MLLT6: variants seen among roughly 807,000 people sequenced by gnomAD.
MLLT6 encodes the protein protein AF-17.
Under a neutral mutation model 103.0 loss-of-function variants are expected in MLLT6, and 22 were observed. That is an observed-to-expected ratio of 0.21 (90% CI 0.15 to 0.31). The LOEUF is 0.31. Ranked by LOEUF, MLLT6 falls within the 10% of genes least tolerant of loss-of-function variation. The probability of loss-of-function intolerance (pLI) is 1.00; values close to 1 mark genes in which losing one functional copy is unlikely to be tolerated. For missense variants in MLLT6, 1,199 were observed against 1,441.7 expected (o/e 0.83, Z 2.73); for synonymous variants, 606 against 623.5 (o/e 0.97, Z 0.42).
At position 38,720,927 on chromosome 17, in the gene MLLT6, T is replaced by C. The variant is rs551020204; in HGVS notation, c.2442+180T>C. 2.7e-4 allele frequency: 173 copies of C among 630,976 alleles called. No homozygotes were observed. The African/African-American group carries it at 3.0e-3, about 11-fold the overall frequency. 39.1% of individuals were successfully genotyped at this position (630,976 alleles called of 1,614,324 possible). A position where few individuals can be genotyped will look rare whatever the true frequency, so the allele number is the denominator to read the frequency against. On this transcript the variant is annotated intron_variant, in intron 16 of 19. Transcript: ENST00000621332. Reference sequence around the variant, plus strand: ...TGAGGTGCCCACTTAGTGCCAGCCATTGGCTAAGCAATCAGTGAGCAAAAC... The same window carrying C: ...TGAGGTGCCCACTTAGTGCCAGCCACTGGCTAAGCAATCAGTGAGCAAAAC...
chr17:38,724,740 A>G lies in MLLT6; in HGVS notation c.3004A>G (p.Thr1002Ala), dbSNP rs767337871. The G allele has an allele frequency of 3.1e-6, 5 of 1,610,506 alleles. No homozygotes were observed. In the African/African-American group the frequency reaches 6.7e-5, roughly 22 times the overall value. ...GGCCAGCCTGCTGGCAGGAAGCTCC[A>G]CCCCGCTGCTGTCTGCGGGTACCCC... ...PMASLLAGSSTPLLSAGTPGL... is the reference protein window; with the variant it reads ...PMASLLAGSSAPLLSAGTPGL... Residue 1002 changes from threonine (T) to alanine (A), a missense_variant, in exon 19 of 20, where the codon ACC (threonine) becomes GCC (alanine). This residue lies in a region of MLLT6 where 1,034 missense variants were observed against 1,091.5 expected (regional missense o/e 0.95). Coordinates refer to ENST00000621332, the MANE Select transcript of MLLT6 (RefSeq NM_005937.4). This position sits in a 1 kb window ranked among gnomAD's most constrained non-coding sequence, Gnocchi z 5.4.
chr17:38,722,637 T>TGGGGGGG, intron 17 of MLLT6, 41 bp from the exon 18 acceptor site: 1 of 498,466 alleles, frequency 2.0e-6, no homozygotes, highest in African/African-American at 2.3e-5. Context: ...TCCCCCATGG[T>TGGGGGGG]CTGTGTGTTG....
chr17:38,721,743 G>C (rs973755261), intron 16 of MLLT6, 135 bp from the exon 17 acceptor site: 21 of 565,162 alleles, frequency 3.7e-5, no homozygotes, highest in Non-Finnish European at 6.3e-5. Flanking sequence ...CTCATCCCCG[G>C]ACCTTGCTTC....
In MLLT6 at chr17:38,721,872, C is replaced by T; in HGVS notation, c.2443-6C>T. On this transcript the variant is annotated splice_polypyrimidine_tract_variant and splice_region_variant and intron_variant, in intron 16 of 19. Coordinates refer to ENST00000621332, the MANE Select transcript of MLLT6 (RefSeq NM_005937.4). Reference sequence around the variant, plus strand: ...TCTGACCCCTCCCTTCCCCCTCCCTCCCCAGGACCCACACTCAGGCTGCCC... The same window carrying T: ...TCTGACCCCTCCCTTCCCCCTCCCTTCCCAGGACCCACACTCAGGCTGCCC... The T allele has an allele frequency of 1.3e-6, 2 of 1,564,282 alleles. No individual in the cohort carries two copies. The highest frequency in any genetic ancestry group is 2.4e-5 in the East Asian group (1 of 41,310).
intron 11 of MLLT6, 74 bp from the exon 12 acceptor site, chr17:38,717,771 C>G: frequency 7.0e-7 from 1 of 1,427,164 alleles, no homozygotes; most frequent in Admixed American, 1.7e-5. Flanking sequence ...CACCCGGCCC[C>G]CTGCACCCCG....
chr17:38,707,863 C>G lies in MLLT6; in HGVS notation c.345C>G (p.Arg115=). 6.2e-7 allele frequency: 1 copy of G among 1,610,264 alleles called. No homozygotes were observed. Among genetic ancestry groups the G allele is most frequent in the Non-Finnish European group, 8.5e-7 (1 of 1,177,336 alleles). ...PIVLQYVPHD[R]FNKTCYICEE... Reference sequence around the variant, plus strand: ...TGCTGCAGTACGTGCCTCATGATCGCTTCAACAAGGTCAGCGGCCCCCCGC... The same window carrying G: ...TGCTGCAGTACGTGCCTCATGATCGGTTCAACAAGGTCAGCGGCCCCCCGC... Residue 115 remains arginine (R), a synonymous_variant, in exon 4 of 20, where the codon CGC becomes CGG. Transcript: ENST00000621332.
chr17:38,715,253 G>A (rs759095303), intron 8 of MLLT6: 5 of 196,906 alleles, frequency 2.5e-5, no homozygotes, highest in East Asian at 1.2e-4. Context: ...CATAGGTCCC[G>A]CCTTCTTAGA....
chr17:38,708,216 T>C (rs1905012370), intron 4 of MLLT6: 2 of 294,514 alleles, frequency 6.8e-6, no homozygotes, highest in African/African-American at 2.2e-5. Flanking sequence ...TCAAGACAGG[T>C]GTGCTGCCCG....
In MLLT6 at chr17:38,728,415, C is replaced by G. The variant is rs539253592; in HGVS notation, c.*2817C>G. The G allele has an allele frequency of 1.3e-5, 3 of 233,218 alleles. No individual in the cohort carries two copies. The highest frequency in any genetic ancestry group is 6.6e-5 in the African/African-American group (3 of 45,310). 14.4% of individuals were successfully genotyped at this position (233,218 alleles called of 1,614,324 possible). ...GAGGGGAAGGATGTGGTTTGCAGAG[C>G]GGAAGCAGAGTTTGGAAACGCATGA... On this transcript the variant is annotated 3_prime_UTR_variant, in exon 20 of 20. Transcript: ENST00000621332.
rs951151166 is a variant in MLLT6 at position 38,717,733 on chromosome 17, G to A, written c.1834-112G>A. The A allele has an allele frequency of 1.4e-5, 20 of 1,384,664 alleles. No homozygotes were observed. The African/African-American group carries it at 2.0e-4, about 14-fold the overall frequency. The allele number at this position is 1,384,664 out of a possible 1,614,324, so 85.8% of individuals were successfully genotyped here. A position where few individuals can be genotyped will look rare whatever the true frequency, so the allele number is the denominator to read the frequency against. On this transcript the variant is annotated intron_variant, in intron 11 of 19. Transcript: ENST00000621332. ...CTGAGTTGCCATCAGACCACCCTCC[G>A]GGCTCTGGACCCCTCTGCTCCCCAG...
intron 8 of MLLT6, chr17:38,714,184 A>T (rs1441330869): frequency 6.6e-6 from 1 of 152,236 alleles, no homozygotes; most frequent in Non-Finnish European, 1.5e-5. Flanking sequence ...ATGATGGGGC[A>T]CAGGGAGGTT....
intron 8 of MLLT6, 187 bp downstream of exon 8, chr17:38,712,976 G>C (rs1401634391): frequency 1.3e-6 from 1 of 770,958 alleles, no homozygotes; most frequent in East Asian, 2.4e-5. Context: ...ACCAATCACC[G>C]ACCAACCATG....
chr17:38,717,560 T>TC lies in MLLT6; in HGVS notation c.1784dup (p.Phe596ValfsTer26). On this transcript the variant is annotated frameshift_variant, in exon 11 of 20. Coordinates refer to ENST00000621332, the MANE Select transcript of MLLT6 (RefSeq NM_005937.4). LOFTEE classifies it high-confidence loss of function. ...CTCGGCCCTGCCCCGCCTCAGCCGCTCCCCGTTCACCAGCACCCTCCCCTC... is the reference window on the plus strand; with the variant it reads ...CTCGGCCCTGCCCCGCCTCAGCCGCTCCCCCGTTCACCAGCACCCTCCCCTC... 6.2e-7 allele frequency: 1 copy of TC among 1,613,570 alleles called. No homozygotes were observed. Among genetic ancestry groups the TC allele is most frequent in the Non-Finnish European group, 8.5e-7 (1 of 1,179,884 alleles).
chr17:38,721,060 A>AC (rs1227467448), intron 16 of MLLT6: 6 of 469,592 alleles, frequency 1.3e-5, no homozygotes, highest in Non-Finnish European at 2.3e-5. Context: ...GAGAGAGAGA[A>AC]CGGGGGAGGG....
intron 18 of MLLT6, among the ~76,000 whole-genome samples, chr17:38,723,104 G>T (rs1905849183): frequency 6.6e-6 from 1 of 152,206 alleles, no homozygotes; most frequent in African/African-American, 2.4e-5. Flanking sequence ...GGGTCTGAGT[G>T]GCTGTGCAGG....
intron 14 of MLLT6, 72 bp downstream of exon 14, chr17:38,719,967 C>T (rs2143699801): frequency 6.8e-7 from 1 of 1,480,404 alleles, no homozygotes; most frequent in African/African-American, 1.4e-5. Context: ...CCGAGGTCCC[C>T]AAGCTTCTTT....
At position 38,722,654 on chromosome 17, in the gene MLLT6, CCCCA is replaced by C. The variant is rs1598002319; in HGVS notation, c.2793-20_2793-17del. The C allele has an allele frequency of 2.0e-5, 9 of 458,180 alleles. No homozygotes were observed. The highest frequency in any genetic ancestry group is 4.1e-5 in the South Asian group (2 of 48,630). The allele number at this position is 458,180 out of a possible 1,614,324, so 28.4% of individuals were successfully genotyped here. ...CCCCATGGTCTGTGTGTTGTCCCCC[CCCCA>C]CCCCCCACCCCCACCTCAGCCTTAC... On this transcript the variant is annotated intron_variant, in intron 17 of 19. Coordinates refer to ENST00000621332, the MANE Select transcript of MLLT6 (RefSeq NM_005937.4).
rs1386043982 is a variant in MLLT6 at position 38,709,690 on chromosome 17, A to G, written c.552+115A>G. On this transcript the variant is annotated intron_variant, in intron 6 of 19. Transcript: ENST00000621332. The surrounding 1 kb of genome is among the most constrained non-coding windows in gnomAD (Gnocchi z 4.3). The stretch of plus-strand genomic sequence containing the variant: ...TGCTAGGAGGACAGAGAGGGAAAAA[A>G]CCCAGTCCCTGCCCAAGAGGAGCTC... 3.9e-6 allele frequency: 3 copies of G among 761,132 alleles called. No individual in the cohort carries two copies. The highest frequency in any genetic ancestry group is 1.7e-5 in the African/African-American group (1 of 57,786). The allele number at this position is 761,132 out of a possible 1,614,324, so 47.1% of individuals were successfully genotyped here.
In MLLT6 at chr17:38,706,976, A is replaced by G. The variant is rs374748141; in HGVS notation, c.136A>G (p.Thr46Ala). 6.8e-6 allele frequency: 11 copies of G among 1,612,156 alleles called. No homozygotes were observed. The highest frequency in any genetic ancestry group is 2.2e-5 in the South Asian group (2 of 91,008). The change falls in exon 2 of 20, where the codon ACG becomes GCG. Residue 46 changes from threonine to alanine, a missense_variant. Thr to Ala is a moderately conservative substitution (Grantham distance 58). This residue lies in a region of MLLT6 where 26 missense variants were observed against 44.5 expected (regional missense o/e 0.58). Coordinates refer to ENST00000621332, the MANE Select transcript of MLLT6 (RefSeq NM_005937.4). ...TTGCTATGGCATCGTTCAGGTGCCA[A>G]CGGGACCCTGGTTCTGCCGGAAATG... ...QACYGIVQVPTGPWFCRKCES... is the reference protein window; with the variant it reads ...QACYGIVQVPAGPWFCRKCES...
Sources: gnomAD v4.1 joint callset for allele counts (sites outside exome capture counted in the v4.1 genomes callset) on GRCh38, gnomAD v4.1.1 for gene constraint, gnomAD v4.1.1 regional missense constraint, Gnocchi (gnomAD v3.1) non-coding constraint, MANE v1.5 for transcripts, NCBI Gene and HGNC (gene_info 2026-07-23, HGNC 2026-07-21) for gene names.